AUTS2: variants seen among roughly 807,000 people sequenced by gnomAD.
The protein encoded by AUTS2 is autism susceptibility gene 2 protein.
In AUTS2, 17 loss-of-function variants were observed where a neutral mutation model predicts 112.4. That is an observed-to-expected ratio of 0.15 (90% confidence interval 0.10 to 0.23). AUTS2 has a LOEUF of 0.23. Ranked by LOEUF, AUTS2 falls within the 10% of genes least tolerant of loss-of-function variation. AUTS2 has a pLI of 1.00. For missense variants in AUTS2, 1,510 were observed against 1,701.6 expected (o/e 0.89, Z 1.98); for synonymous variants, 751 against 702.7 (o/e 1.07, Z -1.09).
intron 5 of AUTS2, among the ~76,000 whole-genome samples, chr7:70,546,012 A>T (rs1800759414): frequency 6.6e-6 from 1 of 152,224 alleles, no homozygotes; most frequent in African/African-American, 2.4e-5. Flanking sequence ...CTAAAAACAG[A>T]TAGTAAGGGA....
At chr7:69,876,542 A>T (rs534379483) in intron 1 of AUTS2, among the ~76,000 whole-genome samples, 47 of 70,908 alleles carry the variant, frequency 6.6e-4, no homozygotes, top group South Asian at 4.6e-3. Flanking sequence ...ATATATATAT[A>T]TATTTTCAGT....
chr7:69,981,026 A>G (rs896140679), intron 2 of AUTS2, among the ~76,000 whole-genome samples: 1 of 152,172 alleles, frequency 6.6e-6, no homozygotes, highest in Non-Finnish European at 1.5e-5. Context: ...CAGTCTTTCT[A>G]TAGTCAGTTT....
Position 69,965,858 on chromosome 7 carries a change from G to A in AUTS2, c.522+66360G>A, listed in dbSNP as rs149220622. ...GCAGATCTCGTAAGACACACTTTCTGTCAATCTCAGTGTGAAGTTTTACTA... is the reference window on the plus strand; with the variant it reads ...GCAGATCTCGTAAGACACACTTTCTATCAATCTCAGTGTGAAGTTTTACTA... On this transcript the variant is annotated intron_variant, in intron 2 of 18. Transcript: ENST00000342771. Among the ~76,000 whole-genome samples, 89 of 152,212 alleles carry A rather than the reference G, an allele frequency of 5.8e-4. 1 individual carries two copies. The East Asian group carries it at 0.017, about 28-fold the overall frequency.
chr7:70,026,085 G>A (rs1800509444), intron 2 of AUTS2, among the ~76,000 whole-genome samples: 3 of 152,138 alleles, frequency 2.0e-5, no homozygotes, highest in African/African-American at 7.2e-5. Context: ...GCCTTCACAG[G>A]GATTAGTCAC....
rs1196999690 is a variant in AUTS2 at position 70,313,821 on chromosome 7, A to G, written c.661-121931A>G. On this transcript the variant is annotated intron_variant, in intron 4 of 18. Coordinates refer to ENST00000342771, the MANE Select transcript of AUTS2 (RefSeq NM_015570.4). ...CGAACCAGGGCATGGCATGGAATTC[A>G]TTGGCCCTGCTTATCCCCCCGTGGA... Among the ~76,000 whole-genome samples the G allele has an allele frequency of 2.0e-5, 3 of 152,200 alleles. No individual in the cohort carries two copies. In the East Asian group the frequency reaches 5.8e-4, roughly 29 times the overall value.
intron 4 of AUTS2, among the ~76,000 whole-genome samples, chr7:70,175,330 G>T (rs1289948150): frequency 6.6e-6 from 1 of 152,196 alleles, no homozygotes; most frequent in East Asian, 1.9e-4. Context: ...GATGAACAAA[G>T]AAAGTGTTTT....
At chr7:70,610,834 A>G (rs935993113) in intron 5 of AUTS2, among the ~76,000 whole-genome samples, 3 of 152,002 alleles carry the variant, frequency 2.0e-5, no homozygotes, top group African/African-American at 7.3e-5. Flanking sequence ...TTTTATTTGC[A>G]TGATTTTCTT....
chr7:70,746,366 G>C (rs760232179), intron 6 of AUTS2, among the ~76,000 whole-genome samples: 1 of 152,046 alleles, frequency 6.6e-6, no homozygotes, highest in Non-Finnish European at 1.5e-5. Flanking sequence ...GACTGATCTC[G>C]AACTCCGGAC....
chr7:70,747,609 C>T (rs1788537049), intron 6 of AUTS2, among the ~76,000 whole-genome samples: 1 of 151,976 alleles, frequency 6.6e-6, no homozygotes, highest in South Asian at 2.1e-4. Context: ...CAGGAGCCCA[C>T]CACCACACCT....
At chr7:70,504,562 C>T (rs549363223) in intron 5 of AUTS2, among the ~76,000 whole-genome samples, 5 of 152,010 alleles carry the variant, frequency 3.3e-5, no homozygotes, top group Non-Finnish European at 5.9e-5. Context: ...GGAAGGGGAC[C>T]GGCACCGAGG....
intron 5 of AUTS2, among the ~76,000 whole-genome samples, chr7:70,667,262 C>T (rs945935588): frequency 1.3e-5 from 2 of 152,220 alleles, no homozygotes; most frequent in African/African-American, 4.8e-5. Context: ...CCTACTTACT[C>T]ATTTATAATG....
chr7:70,081,308 T>C (rs980635113), intron 2 of AUTS2, among the ~76,000 whole-genome samples: 2 of 150,910 alleles, frequency 1.3e-5, no homozygotes, highest in Admixed American at 6.6e-5. Context: ...CCCAGCACTT[T>C]GGGAGTCCAG....
chr7:70,393,641 A>G (rs2129848368), intron 4 of AUTS2, among the ~76,000 whole-genome samples: 1 of 152,118 alleles, frequency 6.6e-6, no homozygotes, highest in East Asian at 1.9e-4. Flanking sequence ...TAGGGGCTCT[A>G]TGTGATGTTA....
intron 5 of AUTS2, among the ~76,000 whole-genome samples, chr7:70,480,214 G>A (rs754402964): frequency 6.6e-5 from 10 of 152,230 alleles, no homozygotes; most frequent in Non-Finnish European, 1.0e-4. Context: ...GTATGTGTAC[G>A]TGTGTGTGCA....
chr7:69,943,285 C>T (rs927298735), intron 2 of AUTS2, among the ~76,000 whole-genome samples: 4 of 152,150 alleles, frequency 2.6e-5, no homozygotes, highest in Admixed American at 6.5e-5. Flanking sequence ...TAGAACAAGG[C>T]CTGGAACATA....
Position 70,533,947 on chromosome 7 carries a change from C to G in AUTS2, c.690+98166C>G, listed in dbSNP as rs142358347. Among the ~76,000 whole-genome samples the G allele has an allele frequency of 7.0e-4, 106 of 152,308 alleles. 2 individuals are homozygous for G. The East Asian group carries it at 0.02, about 28-fold the overall frequency. On this transcript the variant is annotated intron_variant, in intron 5 of 18. Transcript: ENST00000342771. ...TCAGGGAACCCTTGTTCTGTCCACTCTGCCTACACAATGGTTGCCTTCAGT... is the reference window on the plus strand; with the variant it reads ...TCAGGGAACCCTTGTTCTGTCCACTGTGCCTACACAATGGTTGCCTTCAGT...
intron 4 of AUTS2, among the ~76,000 whole-genome samples, chr7:70,425,302 A>G (rs1319391733): frequency 6.6e-6 from 1 of 152,222 alleles, no homozygotes; most frequent in Non-Finnish European, 1.5e-5. Flanking sequence ...AAAGTGGATG[A>G]AAAAACACCT....
intron 3 of AUTS2, among the ~76,000 whole-genome samples, chr7:70,130,751 A>C (rs1806229172): frequency 6.6e-6 from 1 of 152,142 alleles, no homozygotes; most frequent in African/African-American, 2.4e-5. Flanking sequence ...ATGAGCCCAG[A>C]AATTGCATAT....
At position 69,836,737 on chromosome 7, in the gene AUTS2, T is replaced by G. The variant is rs149536972; in HGVS notation, c.310-62549T>G. ...ACTTTCTGCACACTTAAACTCTGTT[T>G]CAGTCCACATATTTGCACGCCTAAA... On this transcript the variant is annotated intron_variant, in intron 1 of 18. Coordinates refer to ENST00000342771, the MANE Select transcript of AUTS2 (RefSeq NM_015570.4). 1.2e-3 allele frequency among the ~76,000 whole-genome samples: 187 copies of G among 152,314 alleles called. 1 individual carries two copies. The highest frequency in any genetic ancestry group is 0.012 in the East Asian group (62 of 5,192).
Sources: allele counts gnomAD v4.1 joint callset (sites outside exome capture counted in the v4.1 genomes callset), GRCh38; gene constraint gnomAD v4.1.1; transcripts MANE v1.5; gene names NCBI Gene and HGNC (gene_info 2026-07-23, HGNC 2026-07-21).